The following RMC1 variants were observed in gnomAD, a reference collection of about 807,000 sequenced individuals.
The protein encoded by RMC1 is regulator of MON1-CCZ1.
A neutral mutation model predicts 95.5 loss-of-function variants in RMC1; 44 were observed. That is an observed-to-expected ratio of 0.46 (90% CI 0.36 to 0.59). The LOEUF is 0.59. RMC1 is among the 20% of genes least tolerant of loss of function. The pLI, the probability that RMC1 is intolerant of heterozygous loss-of-function variation, is 0.00. For synonymous variants in RMC1, 320 were observed against 303.6 expected (o/e 1.05, Z -0.56); for missense variants, 705 against 819.6 (o/e 0.86, Z 1.71).
chr18:23,507,798 C>CT (rs2057752189), intron 3 of RMC1, among the ~76,000 whole-genome samples, 187 bp from the exon 4 acceptor site: 1 of 152,184 alleles, frequency 6.6e-6, no homozygotes, highest in Non-Finnish European at 1.5e-5. Flanking sequence ...AATCGTAAGC[C>CT]TGCTGCTGTT....
At chr18:23,519,936 G>A (rs2058100448) in intron 9 of RMC1, among the ~76,000 whole-genome samples, 1 of 152,210 alleles carries the variant, frequency 6.6e-6, no homozygotes, top group Non-Finnish European at 1.5e-5. Context: ...CAGTTGAAAT[G>A]ACAGAGATCT....
chr18:23,506,326 G>A (rs779207531), intron 2 of RMC1: 5 of 151,402 alleles, frequency 3.3e-5, no homozygotes, highest in South Asian at 2.1e-4. Context: ...TTCAGACCCC[G>A]AAAAGTTTCC....
chr18:23,529,669 T>C lies in RMC1; in HGVS notation c.1451T>C (p.Met484Thr), dbSNP rs1438435687. 6.2e-7 allele frequency: 1 copy of C among 1,614,146 alleles called. No individual in the cohort carries two copies. The highest frequency in any genetic ancestry group is 8.5e-7 in the Non-Finnish European group (1 of 1,180,012). The part of the protein sequence containing the change: ...MPHKFVIAVL[M>T]EYIRSLNQFQ... ...CATAAATTTGTGATAGCCGTGCTGA[T>C]GGAATACATTCGTTCTCTTAACCAG... The change falls in exon 16 of 20, where the codon ATG (methionine) becomes ACG (threonine). Residue 484 changes from methionine (M) to threonine (T), a missense_variant. Coordinates refer to ENST00000269221, the MANE Select transcript of RMC1 (RefSeq NM_013326.5).
chr18:23,530,193 C>G, intron 17 of RMC1, 36 bp from the exon 18 acceptor site: 1 of 1,613,598 alleles, frequency 6.2e-7, no homozygotes, highest in Non-Finnish European at 8.5e-7. Flanking sequence ...TAACCGTTAT[C>G]TTTCCAACTG....
chr18:23,526,613 T>A (rs966457251), intron 12 of RMC1, 24 bp from the exon 13 acceptor site: 2 of 1,612,448 alleles, frequency 1.2e-6, no homozygotes, highest in Non-Finnish European at 8.5e-7. Flanking sequence ...CATACTGTTT[T>A]ATTTGCTGCC....
Position 23,503,672 on chromosome 18 carries a change from GA to G in RMC1, c.56del (p.Lys19ArgfsTer29). On this transcript the variant is annotated frameshift_variant, in exon 1 of 20. Transcript: ENST00000269221. LOFTEE classifies it high-confidence loss of function. ...ELCERPVQFE[K>X]ANPVNCVFFD... ...TGTGCGAGCGGCCGGTGCAGTTCGA[GA>G]AGGCGAACCCTGTCAACTGCGTCTT... The G allele has an allele frequency of 6.3e-7, 1 of 1,594,206 alleles. No individual in the cohort carries two copies. Among genetic ancestry groups the G allele is most frequent in the South Asian group, 1.1e-5 (1 of 89,564 alleles).
intron 1 of RMC1, 88 bp from the exon 2 acceptor site, chr18:23,504,281 GTA>G: frequency 1.9e-6 from 2 of 1,038,372 alleles, no homozygotes; most frequent in Non-Finnish European, 3.0e-6. Flanking sequence ...CCAGGGTGGT[GTA>G]TAACAGAAAT....
intron 5 of RMC1, among the ~76,000 whole-genome samples, chr18:23,512,260 A>G (rs1255855281): frequency 6.6e-6 from 1 of 152,006 alleles, no homozygotes; most frequent in Non-Finnish European, 1.5e-5. Context: ...GCCTCAAATA[A>G]TCCACCTATC....
chr18:23,515,761 G>T (rs1240095093), intron 5 of RMC1, 95 bp from the exon 6 acceptor site: 1 of 1,458,566 alleles, frequency 6.9e-7, no homozygotes, highest in African/African-American at 1.4e-5. Flanking sequence ...TCGAACTCCT[G>T]ACCTCAGGTG....
intron 6 of RMC1, 79 bp downstream of exon 6, chr18:23,516,075 C>T (rs564464929): frequency 3.1e-5 from 50 of 1,592,570 alleles, no homozygotes; most frequent in Non-Finnish European, 3.9e-5. Context: ...GTGTCAGGCA[C>T]GTTAGGGACA....
chr18:23,504,521 T>A, intron 2 of RMC1, 74 bp downstream of exon 2: 1 of 1,405,994 alleles, frequency 7.1e-7, no homozygotes, highest in Non-Finnish European at 1.0e-6. Context: ...AATGGTTTTT[T>A]ATAATTTTGT....
chr18:23,522,139 C>T (rs2058159229), intron 10 of RMC1, among the ~76,000 whole-genome samples: 1 of 152,242 alleles, frequency 6.6e-6, no homozygotes, highest in African/African-American at 2.4e-5. Flanking sequence ...TCTTGCTGGA[C>T]CAGCCAAAAG....
chr18:23,512,455 C>T (rs1693850594), intron 5 of RMC1, among the ~76,000 whole-genome samples: 1 of 152,204 alleles, frequency 6.6e-6, no homozygotes. Flanking sequence ...GACAGGATCT[C>T]TGTCACCCAG....
chr18:23,507,906 G>T, intron 3 of RMC1, 79 bp from the exon 4 acceptor site: 1 of 1,287,302 alleles, frequency 7.8e-7, no homozygotes, highest in African/African-American at 1.5e-5. Flanking sequence ...TATTTTTCTT[G>T]TCTTGTAGTA....
At chr18:23,504,994 A>G (rs570249022) in intron 2 of RMC1, among the ~76,000 whole-genome samples, 11 of 152,292 alleles carry the variant, frequency 7.2e-5, no homozygotes, top group Admixed American at 2.6e-4. Context: ...CAGAAGGTGA[A>G]AGTATAATGT....
chr18:23,529,230 C>T lies in RMC1; in HGVS notation c.1348C>T (p.Arg450Trp), dbSNP rs747991509. 100 of 1,613,846 alleles carry T rather than the reference C, an allele frequency of 6.2e-5. 1 individual carries two copies. The Middle Eastern group carries it at 6.6e-4, about 11-fold the overall frequency. ...RSSPLLKRPV[R>W]TQAVLDQSDV... Reference sequence around the variant, plus strand: ...CAGCCCGCTCCTCAAGAGGCCGGTGCGGACCCAGGCGGTGCTGGACCAGTC... The same window carrying T: ...CAGCCCGCTCCTCAAGAGGCCGGTGTGGACCCAGGCGGTGCTGGACCAGTC... Residue 450 changes from arginine to tryptophan, a missense_variant, in exon 15 of 20, where the codon CGG becomes TGG. Physicochemically the swap from Arg to Trp is moderately radical, Grantham distance 101. Coordinates refer to ENST00000269221, the MANE Select transcript of RMC1 (RefSeq NM_013326.5).
At chr18:23,515,347 G>A (rs1423138469) in intron 5 of RMC1, among the ~76,000 whole-genome samples, 1 of 152,158 alleles carries the variant, frequency 6.6e-6, no homozygotes, top group Non-Finnish European at 1.5e-5. Flanking sequence ...GGCCAGTGAT[G>A]CCTGCCTCTC....
intron 2 of RMC1, among the ~76,000 whole-genome samples, chr18:23,504,975 T>G (rs2145116978): frequency 6.6e-6 from 1 of 152,324 alleles, no homozygotes. Context: ...ACTGTAACAC[T>G]GGTGCTTACA....
At chr18:23,515,477 TGCTTTTTATTCTC>T (rs896187367) in intron 5 of RMC1, among the ~76,000 whole-genome samples, 1 of 152,224 alleles carries the variant, frequency 6.6e-6, no homozygotes, top group Admixed American at 6.5e-5. Flanking sequence ...GGGTTTCTTC[TGCTTTTTATTCTC>T]AGAGCGCACT....
Sources: gnomAD v4.1 joint callset for allele counts (sites outside exome capture counted in the v4.1 genomes callset) on GRCh38, gnomAD v4.1.1 for gene constraint, MANE v1.5 for transcripts, NCBI Gene and HGNC (gene_info 2026-07-23, HGNC 2026-07-21) for gene names.